Variants in NPFFR2 observed in about 807,000 individuals in gnomAD.
NPFFR2 encodes the protein neuropeptide FF receptor 2.
A neutral mutation model predicts 13.1 loss-of-function variants in NPFFR2; 15 were observed. That is an observed-to-expected ratio of 1.15 (90% CI 0.77 to 1.76). NPFFR2 has a LOEUF of 1.76. Ranked by LOEUF, NPFFR2 falls within the 40% of genes most tolerant of loss-of-function variation. The pLI is 0.00. For synonymous variants in NPFFR2, 190 were observed against 175.7 expected (o/e 1.08, Z -0.65); for missense variants, 572 against 503.5 (o/e 1.14, Z -1.30).
intron 3 of NPFFR2, among the ~76,000 whole-genome samples, chr4:72,138,534 A>G (rs1180652723): frequency 6.6e-6 from 1 of 151,178 alleles, no homozygotes; most frequent in African/African-American, 2.4e-5. Flanking sequence ...TCCTTGTGAT[A>G]GTTAGCTGAG....
At chr4:72,101,574 G>A (rs1455063071) in intron 1 of NPFFR2, among the ~76,000 whole-genome samples, 1 of 151,734 alleles carries the variant, frequency 6.6e-6, no homozygotes, top group Non-Finnish European at 1.5e-5. Flanking sequence ...GGAATTTCAA[G>A]GAAGAATATA....
chr4:72,039,940 T>C (rs932451380), intron 1 of NPFFR2, among the ~76,000 whole-genome samples: 6 of 152,216 alleles, frequency 3.9e-5, no homozygotes, highest in Admixed American at 3.9e-4. Context: ...TTTGAATTTC[T>C]TAACTACTTG....
chr4:72,065,359 T>G (rs1367589519), intron 1 of NPFFR2, among the ~76,000 whole-genome samples: 4 of 152,110 alleles, frequency 2.6e-5, no homozygotes, highest in Non-Finnish European at 5.9e-5. Flanking sequence ...GTAAATAATC[T>G]TAATTCTTAA....
At chr4:72,064,719 G>T (rs1034886278) in intron 1 of NPFFR2, among the ~76,000 whole-genome samples, 5 of 152,110 alleles carry the variant, frequency 3.3e-5, no homozygotes, top group Non-Finnish European at 5.9e-5. Context: ...CGGTGATAAG[G>T]ATACATGAAA....
intron 1 of NPFFR2, among the ~76,000 whole-genome samples, chr4:72,095,199 A>G (rs1355144481): frequency 6.6e-6 from 1 of 152,214 alleles, no homozygotes; most frequent in Non-Finnish European, 1.5e-5. Flanking sequence ...TCAGAAATAA[A>G]CACTGTTAAC....
intron 1 of NPFFR2, among the ~76,000 whole-genome samples, chr4:72,055,050 AACT>A (rs1278521420): frequency 6.6e-6 from 1 of 151,984 alleles, no homozygotes; most frequent in Non-Finnish European, 1.5e-5. Flanking sequence ...GATACTATTA[AACT>A]ACTAATATAT....
At chr4:72,133,031 C>A (rs28870124) in intron 2 of NPFFR2, among the ~76,000 whole-genome samples, 6,668 of 151,866 alleles carry the variant, frequency 0.044, 406 homozygotes, top group African/African-American at 0.14. Context: ...AAATTTTTGC[C>A]TTTGTTGTGA....
intron 1 of NPFFR2, among the ~76,000 whole-genome samples, chr4:72,057,434 C>T (rs1719786730): frequency 6.6e-6 from 1 of 151,994 alleles, no homozygotes; most frequent in South Asian, 2.1e-4. Flanking sequence ...CTTCTTCCAG[C>T]TTGTGGTGGC....
In NPFFR2 at chr4:72,147,983, A is replaced by T; in HGVS notation, c.*171A>T. The T allele has an allele frequency of 1.8e-6, 1 of 548,726 alleles. No individual in the cohort carries two copies. The highest frequency in any genetic ancestry group is 2.7e-5 in the South Asian group (1 of 36,538). 34.0% of individuals were successfully genotyped at this position (548,726 alleles called of 1,614,324 possible). A position where few individuals can be genotyped will look rare whatever the true frequency, so the allele number is the denominator to read the frequency against. On this transcript the variant is annotated 3_prime_UTR_variant, in exon 4 of 4. Transcript: ENST00000308744. ...AAACAAAAATGGTCATAAGATCATAAACAATCTTATGTTGTATAAAAATAC... is the reference window on the plus strand; with the variant it reads ...AAACAAAAATGGTCATAAGATCATATACAATCTTATGTTGTATAAAAATAC...
chr4:72,109,120 T>G (rs561688758), intron 1 of NPFFR2, among the ~76,000 whole-genome samples: 2 of 152,178 alleles, frequency 1.3e-5, no homozygotes, highest in Non-Finnish European at 2.9e-5. Flanking sequence ...TTCTTTAGAT[T>G]ACAGATTACT....
intron 3 of NPFFR2, among the ~76,000 whole-genome samples, chr4:72,143,862 G>GAGTT (rs1299660657): frequency 1.3e-5 from 2 of 152,142 alleles, no homozygotes; most frequent in Admixed American, 6.5e-5. Context: ...AATCTCATGA[G>GAGTT]AGTTGATGTA....
chr4:72,102,568 T>A (rs1721285250), intron 1 of NPFFR2, among the ~76,000 whole-genome samples: 1 of 133,350 alleles, frequency 7.5e-6, no homozygotes, highest in Non-Finnish European at 1.6e-5. Context: ...ATGTTCCCCT[T>A]CCTGTGTCCA....
At chr4:72,079,496 C>T (rs1431872941) in intron 1 of NPFFR2, among the ~76,000 whole-genome samples, 1 of 151,806 alleles carries the variant, frequency 6.6e-6, no homozygotes, top group African/African-American at 2.4e-5. Context: ...AACATGATAC[C>T]AAAATAAACT....
intron 2 of NPFFR2, among the ~76,000 whole-genome samples, chr4:72,135,380 C>T (rs1722378195): frequency 6.6e-6 from 1 of 151,944 alleles, no homozygotes; most frequent in Admixed American, 6.6e-5. Flanking sequence ...TCATATTAAT[C>T]AGATATTAGA....
chr4:72,128,457 T>C (rs939671092), intron 1 of NPFFR2, 128 bp from the exon 2 acceptor site: 2 of 577,332 alleles, frequency 3.5e-6, no homozygotes, highest in Non-Finnish European at 3.0e-6. Flanking sequence ...GTAAAACTTA[T>C]AGATTATTAT....
chr4:72,072,530 A>G (rs1720290272), intron 1 of NPFFR2, among the ~76,000 whole-genome samples: 3 of 152,134 alleles, frequency 2.0e-5, no homozygotes, highest in Admixed American at 2.0e-4. Context: ...AAACAGAAAG[A>G]AAAAAGATTG....
intron 1 of NPFFR2, among the ~76,000 whole-genome samples, chr4:72,035,498 C>CT (rs35860160): frequency 1.4e-5 from 1 of 69,286 alleles, no homozygotes; most frequent in East Asian, 1.6e-3. Context: ...CATAGTTTAG[C>CT]CCCCCCTAAA....
In NPFFR2 at chr4:72,138,070, T is replaced by G; in HGVS notation, c.359T>G (p.Ile120Ser). Residue 120 changes from isoleucine to serine, a missense_variant, in exon 3 of 4, where the codon ATC becomes AGC. By Grantham distance (142) the Ile-to-Ser change is moderately radical. Coordinates refer to ENST00000308744, the MANE Select transcript of NPFFR2 (RefSeq NM_004885.3). ...GWPFGNTMCK[I>S]SGLVQGISVA... ...CCATTTGGAAACACGATGTGCAAGA[T>G]CAGTGGATTGGTCCAGGGAATATCT... 1.2e-6 allele frequency: 2 copies of G among 1,613,734 alleles called. No homozygotes were observed. The highest frequency in any genetic ancestry group is 2.2e-5 in the South Asian group (2 of 91,074).
intron 2 of NPFFR2, among the ~76,000 whole-genome samples, chr4:72,134,761 G>A (rs1469146938): frequency 1.3e-5 from 2 of 151,914 alleles, no homozygotes; most frequent in African/African-American, 2.4e-5. Flanking sequence ...ATAAATATAC[G>A]TGCAGGTACG....
Sources: allele counts gnomAD v4.1 joint callset (sites outside exome capture counted in the v4.1 genomes callset), GRCh38; gene constraint gnomAD v4.1.1; transcripts MANE v1.5; gene names NCBI Gene and HGNC (gene_info 2026-07-23, HGNC 2026-07-21).